GRID2: variants seen among roughly 807,000 people sequenced by gnomAD.
GRID2 encodes the protein glutamate receptor ionotropic, delta-2.
In GRID2, 33 loss-of-function variants were observed where a neutral mutation model predicts 114.8. The observed-to-expected ratio is 0.29, with a 90% CI of 0.22 to 0.38. The LOEUF (loss-of-function observed/expected upper bound fraction) is 0.38, where lower values mean the gene tolerates loss of function less well. Among genes scored for constraint, GRID2 ranks in the 10% least tolerant of loss-of-function variants. The pLI, the probability that GRID2 is intolerant of heterozygous loss-of-function variation, is 1.00. For missense variants in GRID2, 1,184 were observed against 1,257.7 expected (o/e 0.94, Z 0.89); for synonymous variants, 505 against 449.9 (o/e 1.12, Z -1.55).
chr4:93,805,913 A>G (rs1411443645), intron 1 of GRID2, among the ~76,000 whole-genome samples: 4 of 152,152 alleles, frequency 2.6e-5, no homozygotes, highest in East Asian at 1.9e-4. Context: ...CTTGACCAAT[A>G]TGGTAAAACC....
Position 93,561,611 on chromosome 4 carries a change from T to C in GRID2, c.2193+46200T>C, listed in dbSNP as rs190281881. Among the ~76,000 whole-genome samples the C allele has an allele frequency of 3.3e-5, 5 of 152,278 alleles. No individual in the cohort carries two copies. In the East Asian group the frequency reaches 9.6e-4, roughly 29 times the overall value. On this transcript the variant is annotated intron_variant, in intron 13 of 15. Coordinates refer to ENST00000282020, the MANE Select transcript of GRID2 (RefSeq NM_001510.4). ...TGTACATTCTGACTTTGGACAAATA[T>C]ATGACATGTATCCACTGTTATACTA...
chr4:93,496,426 A>G (rs907297537), intron 12 of GRID2, among the ~76,000 whole-genome samples: 7 of 130,548 alleles, frequency 5.4e-5, no homozygotes, highest in African/African-American at 1.1e-4. Flanking sequence ...GCTCTATGAC[A>G]TATTATTACA....
intron 15 of GRID2, 67 bp from the exon 16 acceptor site, chr4:93,772,009 C>CTT (rs879050000): frequency 6.1e-5 from 48 of 782,184 alleles, no homozygotes; most frequent in Non-Finnish European, 8.5e-5. Flanking sequence ...TGCTGAACTA[C>CTT]TTTTTTTTTT....
chr4:93,767,549 G>T (rs1200977296), intron 14 of GRID2, among the ~76,000 whole-genome samples: 2 of 152,168 alleles, frequency 1.3e-5, no homozygotes, highest in African/African-American at 4.8e-5. Flanking sequence ...GTCCTGGACT[G>T]CCAGCACGGG....
rs192170220 is a variant in GRID2 at position 93,597,330 on chromosome 4, C to G, written c.2194-28939C>G. Among the ~76,000 whole-genome samples the G allele has an allele frequency of 3.4e-4, 51 of 152,174 alleles. No homozygotes were observed. The East Asian group carries it at 9.3e-3, about 28-fold the overall frequency. On this transcript the variant is annotated intron_variant, in intron 13 of 15. Transcript: ENST00000282020. ...GTTACTTGAAGTAAATATATTTCTA[C>G]TTGTAGTTTTTATGTGTTTCTGTTT...
At chr4:93,251,263 A>G (rs1457742495) in intron 8 of GRID2, among the ~76,000 whole-genome samples, 5 of 152,116 alleles carry the variant, frequency 3.3e-5, no homozygotes, top group Non-Finnish European at 5.9e-5. Context: ...ATGATGAGTA[A>G]TATTTTGCCT....
intron 1 of GRID2, among the ~76,000 whole-genome samples, chr4:92,439,873 A>G (rs1289825996): frequency 6.9e-6 from 1 of 145,712 alleles, no homozygotes; most frequent in Non-Finnish European, 1.6e-5. Flanking sequence ...GATGGCTTGG[A>G]GAAACAGTGT....
At position 93,012,485 on chromosome 4, in the gene GRID2, G is replaced by A. The variant is rs183809334; in HGVS notation, c.245-72510G>A. 8.3e-4 allele frequency among the ~76,000 whole-genome samples: 127 copies of A among 152,162 alleles called. 1 individual carries two copies. The highest frequency in any genetic ancestry group is 2.4e-3 in the African/African-American group (98 of 41,548). On this transcript the variant is annotated intron_variant, in intron 2 of 15. Transcript: ENST00000282020. ...TTAGTCTACTGAGGCCTAGGGCAAC[G>A]TGGTGTAAATCTACTGTGCATTTGA... is the stretch of plus-strand genomic sequence containing the variant.
intron 10 of GRID2, among the ~76,000 whole-genome samples, chr4:93,448,754 G>C (rs1722331849): frequency 6.8e-6 from 1 of 147,520 alleles, no homozygotes; most frequent in African/African-American, 2.5e-5. Context: ...ATCTGTAAAG[G>C]ATACTTAAAG....
Position 93,009,361 on chromosome 4 carries a change from G to A in GRID2, c.245-75634G>A, listed in dbSNP as rs1046529917. Among the ~76,000 whole-genome samples the A allele has an allele frequency of 4.6e-5, 7 of 152,096 alleles. No individual in the cohort carries two copies. The South Asian group carries it at 1.2e-3, about 27-fold the overall frequency. On this transcript the variant is annotated intron_variant, in intron 2 of 15. Transcript: ENST00000282020. ...TTGTACGGAGTGAAAAATAATCAGGGTCTGGTGAGAGGATAGATAGAAGGA... is the reference window on the plus strand; with the variant it reads ...TTGTACGGAGTGAAAAATAATCAGGATCTGGTGAGAGGATAGATAGAAGGA...
intron 14 of GRID2, among the ~76,000 whole-genome samples, chr4:93,713,455 T>G (rs1295695209): frequency 6.6e-6 from 1 of 151,988 alleles, no homozygotes; most frequent in Non-Finnish European, 1.5e-5. Context: ...ATTTATTTAT[T>G]TATGCATTCA....
intron 2 of GRID2, among the ~76,000 whole-genome samples, chr4:92,748,448 C>T (rs1233161789): frequency 1.3e-5 from 2 of 151,964 alleles, no homozygotes; most frequent in Non-Finnish European, 2.9e-5. Flanking sequence ...ATCTCCATCC[C>T]ACCAGCAACT....
At chr4:92,968,020 A>G (rs1468913307) in intron 2 of GRID2, among the ~76,000 whole-genome samples, 1 of 151,888 alleles carries the variant, frequency 6.6e-6, no homozygotes, top group Non-Finnish European at 1.5e-5. Flanking sequence ...TATTTTCTAG[A>G]ACACCATTAG....
intron 4 of GRID2, among the ~76,000 whole-genome samples, chr4:93,138,875 A>T (rs1329761030): frequency 6.6e-6 from 1 of 152,178 alleles, no homozygotes; most frequent in Non-Finnish European, 1.5e-5. Flanking sequence ...CTTTACCTGA[A>T]ATCGGGTCAC....
chr4:93,170,961 G>A (rs1268607975), intron 4 of GRID2, among the ~76,000 whole-genome samples: 2 of 151,764 alleles, frequency 1.3e-5, no homozygotes, highest in Non-Finnish European at 2.9e-5. Flanking sequence ...CTACTGTCTA[G>A]GCCAAACCAT....
intron 14 of GRID2, among the ~76,000 whole-genome samples, chr4:93,680,126 A>G (rs1471536561): frequency 6.9e-6 from 1 of 145,522 alleles, no homozygotes; most frequent in Non-Finnish European, 1.5e-5. Flanking sequence ...AATACAAACT[A>G]CCATCAGAGA....
chr4:93,660,965 G>GA (rs895682966), intron 14 of GRID2, among the ~76,000 whole-genome samples: 6 of 150,010 alleles, frequency 4.0e-5, no homozygotes, highest in Admixed American at 6.7e-5. Flanking sequence ...TCCACAGGGG[G>GA]AAAAAAAAAG....
intron 12 of GRID2, among the ~76,000 whole-genome samples, chr4:93,498,119 A>C (rs1457910723): frequency 1.3e-5 from 2 of 151,862 alleles, no homozygotes; most frequent in Non-Finnish European, 2.9e-5. Flanking sequence ...TGCTGCTATA[A>C]CAAAATACCT....
chr4:93,238,523 T>TC (rs1747079566), intron 8 of GRID2, 33 bp downstream of exon 8: 2 of 1,590,572 alleles, frequency 1.3e-6, no homozygotes, highest in African/African-American at 1.3e-5. Flanking sequence ...ATACGCTTTT[T>TC]CCTATACTAT....
Sources: gnomAD v4.1 joint callset for allele counts (sites outside exome capture counted in the v4.1 genomes callset) on GRCh38, gnomAD v4.1.1 for gene constraint, MANE v1.5 for transcripts, NCBI Gene and HGNC (gene_info 2026-07-23, HGNC 2026-07-21) for gene names.